Variants in ASH1L observed in about 807,000 individuals in gnomAD.
The protein encoded by ASH1L is histone-lysine N-methyltransferase ASH1L.
A neutral mutation model predicts 269.0 loss-of-function variants in ASH1L; 23 were observed. That is an observed-to-expected ratio of 0.09 (90% confidence interval 0.06 to 0.12). The LOEUF (loss-of-function observed/expected upper bound fraction) is 0.12, where lower values mean the gene tolerates loss of function less well. Among genes scored for constraint, ASH1L ranks in the 10% least tolerant of loss-of-function variants. ASH1L has a pLI of 1.00. For missense variants in ASH1L, 2,912 were observed against 3,567.8 expected (o/e 0.82, Z 4.68); for synonymous variants, 1,187 against 1,253.5 (o/e 0.95, Z 1.12).
At chr1:155,544,654 T>C (rs1367915837) in intron 1 of ASH1L, among the ~76,000 whole-genome samples, 2 of 152,080 alleles carry the variant, frequency 1.3e-5, no homozygotes, top group Admixed American at 6.6e-5. Context: ...AGTATGATTA[T>C]GTTAAAGCAG....
intron 7 of ASH1L, among the ~76,000 whole-genome samples, chr1:155,385,197 A>G (rs1341554264): frequency 6.6e-6 from 1 of 152,168 alleles, no homozygotes; most frequent in African/African-American, 2.4e-5. Flanking sequence ...TAAACCCAGC[A>G]CTTTGGGAGG....
At chr1:155,361,118 T>A (rs143612128) in intron 12 of ASH1L, among the ~76,000 whole-genome samples, 2,483 of 152,102 alleles carry the variant, frequency 0.016, 34 homozygotes, top group Non-Finnish European at 0.026. Flanking sequence ...ATGCAGTGGC[T>A]CACACCTGTA....
At chr1:155,344,360 C>T (rs1051146508) in intron 21 of ASH1L, 87 bp from the exon 22 acceptor site, 3 of 1,022,740 alleles carry the variant, frequency 2.9e-6, no homozygotes, top group Non-Finnish European at 3.0e-6. Context: ...TCAATCAAAA[C>T]TTACTGTTTA....
chr1:155,419,302 T>G (rs1660480311), intron 5 of ASH1L: 1 of 150,896 alleles, frequency 6.6e-6, no homozygotes, highest in South Asian at 2.1e-4. Context: ...GAAGACAATG[T>G]AATGACATCA....
chr1:155,366,498 TA>T (rs529032025), intron 12 of ASH1L, among the ~76,000 whole-genome samples: 1 of 151,972 alleles, frequency 6.6e-6, no homozygotes, highest in Non-Finnish European at 1.5e-5. Flanking sequence ...TCCTTTCACT[TA>T]AAAAAAACTG....
intron 4 of ASH1L, among the ~76,000 whole-genome samples, chr1:155,449,800 T>G (rs1490608808): frequency 2.0e-5 from 3 of 152,166 alleles, no homozygotes; most frequent in African/African-American, 4.8e-5. Context: ...ATTACAGGCG[T>G]GAGCCACTGC....
chr1:155,562,751 C>T lies in ASH1L; in HGVS notation c.-698G>A. Reference sequence around the variant, plus strand: ...CACTACCCCTCAGGCCCTGTCAAGCCGGCGCCGGCGCAGGCCCTCACGCGT... The same window carrying T: ...CACTACCCCTCAGGCCCTGTCAAGCTGGCGCCGGCGCAGGCCCTCACGCGT... On this transcript the variant is annotated 5_prime_UTR_variant, in exon 1 of 28. Coordinates refer to ENST00000392403, the MANE Select transcript of ASH1L (RefSeq NM_018489.3). 8.6e-7 allele frequency: 1 copy of T among 1,168,152 alleles called. No homozygotes were observed. The highest frequency in any genetic ancestry group is 1.2e-6 in the Non-Finnish European group (1 of 821,288). 72.4% of individuals were successfully genotyped at this position (1,168,152 alleles called of 1,614,324 possible).
At chr1:155,372,916 C>T (rs943230226) in intron 10 of ASH1L, among the ~76,000 whole-genome samples, 1 of 151,920 alleles carries the variant, frequency 6.6e-6, no homozygotes, top group African/African-American at 2.4e-5. Flanking sequence ...AGGGAATTAA[C>T]AAGTTAAAAA....
At chr1:155,435,925 C>G (rs1362715345) in intron 5 of ASH1L, among the ~76,000 whole-genome samples, 1 of 152,080 alleles carries the variant, frequency 6.6e-6, no homozygotes, top group Non-Finnish European at 1.5e-5. Context: ...GTGGTGCGCA[C>G]CTGTAATCAC....
chr1:155,350,912 C>G (rs1162190543), intron 17 of ASH1L, among the ~76,000 whole-genome samples: 2 of 121,266 alleles, frequency 1.6e-5, no homozygotes, highest in Non-Finnish European at 3.3e-5. Flanking sequence ...CAGAACAGGA[C>G]TCCGTCCTAA....
intron 4 of ASH1L, among the ~76,000 whole-genome samples, chr1:155,442,587 AAAAAAAAAAAAAAAAATC>A (rs1662684777): frequency 6.6e-6 from 1 of 150,832 alleles, no homozygotes; most frequent in Non-Finnish European, 1.5e-5. Flanking sequence ...CCATCTCAAA[AAAAAAAAAAAAAAAAATC>A]AAAAAAAAAA....
intron 5 of ASH1L, chr1:155,433,335 G>T (rs750905258): frequency 6.3e-7 from 1 of 1,588,204 alleles, no homozygotes; most frequent in South Asian, 1.1e-5. Context: ...CCGGGAGTTG[G>T]GTCAGGCTCT....
In ASH1L at chr1:155,359,070, T is replaced by G. The variant is rs570663140; in HGVS notation, c.6795+1231A>C. On this transcript the variant is annotated intron_variant, in intron 13 of 27. Coordinates refer to ENST00000392403, the MANE Select transcript of ASH1L (RefSeq NM_018489.3). ...AGGAGATTAAGGCTGCAGTGAGCCA[T>G]GATCACATCACTGCATTCTAGTGTG... Among the ~76,000 whole-genome samples, 27 of 152,134 alleles carry G rather than the reference T, an allele frequency of 1.8e-4. 1 individual carries two copies. Among genetic ancestry groups the G allele is most frequent in the Non-Finnish European group, 3.1e-4 (21 of 68,016 alleles).
At chr1:155,544,533 C>T (rs546911042) in intron 1 of ASH1L, among the ~76,000 whole-genome samples, 49 of 152,004 alleles carry the variant, frequency 3.2e-4, no homozygotes, top group African/African-American at 1.2e-3. Context: ...GTGATCTGCC[C>T]GCCTCAGCCT....
chr1:155,554,890 G>A (rs901883289), intron 1 of ASH1L, among the ~76,000 whole-genome samples: 3 of 151,466 alleles, frequency 2.0e-5, no homozygotes, highest in East Asian at 2.0e-4. Context: ...ACCTGTAATC[G>A]CAGCACTTTG....
At chr1:155,439,410 G>C (rs1006579573) in intron 4 of ASH1L, among the ~76,000 whole-genome samples, 1 of 152,080 alleles carries the variant, frequency 6.6e-6, no homozygotes, top group Non-Finnish European at 1.5e-5. Flanking sequence ...TTAAATGTTG[G>C]ATAAAGAGTG....
intron 1 of ASH1L, among the ~76,000 whole-genome samples, chr1:155,530,783 G>A (rs374839891): frequency 6.6e-5 from 10 of 151,284 alleles, no homozygotes; most frequent in African/African-American, 2.2e-4. Flanking sequence ...ATGGTGGCAC[G>A]TGCCTATCGT....
At chr1:155,351,589 G>A (rs1360304178) in intron 17 of ASH1L, among the ~76,000 whole-genome samples, 5 of 152,044 alleles carry the variant, frequency 3.3e-5, no homozygotes, top group South Asian at 2.1e-4. Flanking sequence ...GCTGGCTCAC[G>A]CCTGTAATCC....
intron 1 of ASH1L, among the ~76,000 whole-genome samples, chr1:155,551,811 TAAAA>T (rs761600260): frequency 9.8e-6 from 1 of 102,360 alleles, no homozygotes; most frequent in Admixed American, 1.0e-4. Flanking sequence ...CTACTAAAGA[TAAAA>T]AAAAAAAAAA....
Sources: allele counts gnomAD v4.1 joint callset (sites outside exome capture counted in the v4.1 genomes callset), GRCh38; gene constraint gnomAD v4.1.1; transcripts MANE v1.5; gene names NCBI Gene and HGNC (gene_info 2026-07-23, HGNC 2026-07-21).